ETNK1: variants seen among roughly 807,000 people sequenced by gnomAD.
ETNK1 encodes the protein ethanolamine kinase 1, also known as putative protein product of Nbla10396.
Under a neutral mutation model 45.1 loss-of-function variants are expected in ETNK1, and 8 were observed. The observed-to-expected ratio is 0.18, with a 90% CI of 0.10 to 0.32. ETNK1 has a LOEUF of 0.32. ETNK1 is among the 10% of genes least tolerant of loss of function. The pLI is 1.00. For missense variants in ETNK1, 302 were observed against 430.6 expected (o/e 0.70, Z 2.64); for synonymous variants, 152 against 151.9 (o/e 1.00, Z -0.01).
In ETNK1 at chr12:22,630,989, G is replaced by A. The variant is rs142330121; in HGVS notation, c.156+5403G>A. ...CAATGTAGAGAAGGGTTGTTTGAGGGAAATGTTTTAAATTGGGAAATAATG... is the reference window on the plus strand; with the variant it reads ...CAATGTAGAGAAGGGTTGTTTGAGGAAAATGTTTTAAATTGGGAAATAATG... On this transcript the variant is annotated intron_variant, in intron 1 of 7. Transcript: ENST00000266517. Among the ~76,000 whole-genome samples, 17 of 152,234 alleles carry A rather than the reference G, an allele frequency of 1.1e-4. No homozygotes were observed. In the East Asian group the frequency reaches 3.1e-3, roughly 28 times the overall value.
chr12:22,666,190 GAA>G (rs963764145), intron 4 of ETNK1, among the ~76,000 whole-genome samples: 5 of 152,114 alleles, frequency 3.3e-5, no homozygotes, highest in African/African-American at 1.2e-4. Context: ...CAAGATTTTT[GAA>G]AAGTTAGTGC....
At chr12:22,663,873 G>A (rs139450530) in intron 4 of ETNK1, among the ~76,000 whole-genome samples, 1 of 150,250 alleles carries the variant, frequency 6.7e-6, no homozygotes, top group African/African-American at 2.4e-5. Context: ...CTCTCCTTAC[G>A]TGGTTTTATA....
intron 2 of ETNK1, chr12:22,644,233 A>G: frequency 1.2e-6 from 2 of 1,606,720 alleles, no homozygotes; most frequent in Non-Finnish European, 1.7e-6. Context: ...GACTCTTTGC[A>G]AAGGAAAAAC....
At chr12:22,651,236 T>C (rs187556752) in intron 2 of ETNK1, among the ~76,000 whole-genome samples, 1 of 152,312 alleles carries the variant, frequency 6.6e-6, no homozygotes, top group East Asian at 1.9e-4. Flanking sequence ...GTGGCCCCAC[T>C]TTAATCTTTT....
Position 22,625,176 on chromosome 12 carries a change from C to A in ETNK1, c.-255C>A, listed in dbSNP as rs758552725. On this transcript the variant is annotated 5_prime_UTR_variant, in exon 1 of 8. Transcript: ENST00000266517. ...GGCCAGCCCCGGCATGCTCTGCGGC[C>A]GCCCGCGGTCCAGCTCCGACAACAG... 1 of 1,597,462 alleles carries A rather than the reference C, an allele frequency of 6.3e-7. No homozygotes were observed. The highest frequency in any genetic ancestry group is 2.2e-5 in the East Asian group (1 of 44,534).
rs1456481609 is a variant in ETNK1, at chr12:22,625,299, C to T, written c.-132C>T. 3 of 1,606,552 alleles carry T rather than the reference C, an allele frequency of 1.9e-6. No homozygotes were observed. The highest frequency in any genetic ancestry group is 3.4e-5 in the Admixed American group (2 of 59,320). On this transcript the variant is annotated 5_prime_UTR_variant, in exon 1 of 8. Transcript: ENST00000266517. Reference sequence around the variant, plus strand: ...CAGACGTTCTCCTGCCGCTCGCCCGCCCGTCCCAGCGCCCCCAGCCCTCCC... The same window carrying T: ...CAGACGTTCTCCTGCCGCTCGCCCGTCCGTCCCAGCGCCCCCAGCCCTCCC...
chr12:22,680,896 GC>G lies in ETNK1; in HGVS notation c.946-3579del, dbSNP rs1565449506. On this transcript the variant is annotated intron_variant, in intron 6 of 7. Coordinates refer to ENST00000266517, the MANE Select transcript of ETNK1 (RefSeq NM_018638.5). ...GGCTTTGTGGAGCTTTTCTTCCCCC[GC>G]CCCCCCCTCCATTATATGCACACTG... 3.2e-4 allele frequency among the ~76,000 whole-genome samples: 16 copies of G among 49,998 alleles called. 4 individuals are homozygous for G. The highest frequency in any genetic ancestry group is 6.8e-4 in the African/African-American group (14 of 20,502). The allele number at this position is 49,998 out of a possible 152,430, so 32.8% of individuals were successfully genotyped here. A position where few individuals can be genotyped will look rare whatever the true frequency, so the allele number is the denominator to read the frequency against.
chr12:22,644,277 G>A, intron 2 of ETNK1: 1 of 1,605,368 alleles, frequency 6.2e-7, no homozygotes, highest in Non-Finnish European at 8.5e-7. Flanking sequence ...GCTGCAGAGG[G>A]TCAAGGCTTC....
rs749131482 is a variant in ETNK1, at chr12:22,673,560, G to A, written c.845G>A (p.Arg282His). ...PDRELQSQWL[R>H]AYLEAYKEFK... ...AGAGAACTACAGAGTCAGTGGCTGC[G>A]TGCTTACCTTGAAGCCTACAAAGAA... Residue 282 changes from arginine (R) to histidine (H), a missense_variant, in exon 6 of 8, where the codon CGT (arginine) becomes CAT (histidine). This residue lies in a region of ETNK1 where 94 missense variants were observed against 152.9 expected (regional missense o/e 0.61). Coordinates refer to ENST00000266517, the MANE Select transcript of ETNK1 (RefSeq NM_018638.5). The A allele has an allele frequency of 5.0e-5, 81 of 1,613,666 alleles. No homozygotes were observed. Among genetic ancestry groups the A allele is most frequent in the South Asian group, 3.1e-4 (28 of 91,068 alleles).
Position 22,687,716 on chromosome 12 carries a change from G to C in ETNK1, c.*2762G>C, listed in dbSNP as rs1194103358. The C allele has an allele frequency of 1.3e-5, 2 of 152,184 alleles. No individual in the cohort carries two copies. 9.4% of individuals were successfully genotyped at this position (152,184 alleles called of 1,614,324 possible). The stretch of plus-strand genomic sequence containing the variant: ...AAAACTCATCAAGTAGGTCTGCCTG[G>C]AATGTATATAAAAAATGTAAATAAA... On this transcript the variant is annotated 3_prime_UTR_variant, in exon 8 of 8. Transcript: ENST00000266517.
intron 6 of ETNK1, among the ~76,000 whole-genome samples, chr12:22,683,999 A>G (rs1051267776): frequency 3.3e-5 from 5 of 152,152 alleles, no homozygotes; most frequent in African/African-American, 1.2e-4. Flanking sequence ...TCTGTTATGC[A>G]GAATTAAGCC....
chr12:22,680,450 C>T (rs1954203659), intron 6 of ETNK1, among the ~76,000 whole-genome samples: 1 of 152,170 alleles, frequency 6.6e-6, no homozygotes, highest in South Asian at 2.1e-4. Flanking sequence ...CATCTGCAAA[C>T]TCTTATTTCC....
intron 1 of ETNK1, among the ~76,000 whole-genome samples, chr12:22,635,287 G>T (rs1953640895): frequency 6.6e-6 from 1 of 152,238 alleles, no homozygotes; most frequent in African/African-American, 2.4e-5. Flanking sequence ...TCCCCATTGG[G>T]AAGGGGATGG....
At position 22,625,305 on chromosome 12, in the gene ETNK1, C is replaced by T; in HGVS notation, c.-126C>T. On this transcript the variant is annotated 5_prime_UTR_variant, in exon 1 of 8. Transcript: ENST00000266517. ...TTCTCCTGCCGCTCGCCCGCCCGTCCCAGCGCCCCCAGCCCTCCCGCGAGG... is the reference window on the plus strand; with the variant it reads ...TTCTCCTGCCGCTCGCCCGCCCGTCTCAGCGCCCCCAGCCCTCCCGCGAGG... The T allele has an allele frequency of 6.2e-7, 1 of 1,604,632 alleles. No individual in the cohort carries two copies. Among genetic ancestry groups the T allele is most frequent in the South Asian group, 1.1e-5 (1 of 90,060 alleles).
At chr12:22,632,566 G>A (rs1372855817) in intron 1 of ETNK1, among the ~76,000 whole-genome samples, 8 of 151,648 alleles carry the variant, frequency 5.3e-5, no homozygotes, top group Non-Finnish European at 1.2e-4. Context: ...CTAGAGTGCA[G>A]TGATGCTATC....
intron 1 of ETNK1, among the ~76,000 whole-genome samples, chr12:22,643,199 G>A (rs958505682): frequency 1.3e-5 from 2 of 151,906 alleles, no homozygotes; most frequent in Admixed American, 1.3e-4. Flanking sequence ...ATAAAATTGA[G>A]TTTTTAGTAA....
chr12:22,681,348 A>G (rs1199127140), intron 6 of ETNK1, among the ~76,000 whole-genome samples: 1 of 151,968 alleles, frequency 6.6e-6, no homozygotes, highest in Non-Finnish European at 1.5e-5. Context: ...AATGGTGAGA[A>G]GAGCTAAGTT....
chr12:22,644,298 T>C (rs1367526956), intron 2 of ETNK1: 2 of 1,598,020 alleles, frequency 1.3e-6, no homozygotes, highest in Admixed American at 1.7e-5. Flanking sequence ...TGCTTAGTTT[T>C]TTCTAGTTAG....
chr12:22,651,302 G>C (rs1271311410), intron 2 of ETNK1, among the ~76,000 whole-genome samples: 1 of 152,162 alleles, frequency 6.6e-6, no homozygotes, highest in Non-Finnish European at 1.5e-5. Context: ...TCTTTTACTA[G>C]ACACATGGTG....
Sources: allele counts gnomAD v4.1 joint callset (sites outside exome capture counted in the v4.1 genomes callset), GRCh38; gene constraint gnomAD v4.1.1; regional missense constraint gnomAD v4.1.1; transcripts MANE v1.5; gene names NCBI Gene and HGNC (gene_info 2026-07-23, HGNC 2026-07-21).